The following PAPPA2 variants were observed in gnomAD, a reference collection of about 807,000 sequenced individuals.
PAPPA2 encodes the protein pappalysin-2.
In PAPPA2, 86 loss-of-function variants were observed where a neutral mutation model predicts 176.4. That is an observed-to-expected ratio of 0.49 (90% CI 0.41 to 0.58). The LOEUF (loss-of-function observed/expected upper bound fraction) is 0.58. PAPPA2 is among the 20% of genes least tolerant of loss of function. PAPPA2 has a pLI of 0.00. For missense variants in PAPPA2, 2,073 were observed against 2,256.9 expected (o/e 0.92, Z 1.65); for synonymous variants, 809 against 852.2 (o/e 0.95, Z 0.88).
chr1:176,572,901 A>G (rs1652432922), intron 2 of PAPPA2, among the ~76,000 whole-genome samples: 1 of 152,212 alleles, frequency 6.6e-6, no homozygotes, highest in Non-Finnish European at 1.5e-5. Flanking sequence ...CTATTTAAAT[A>G]CTTTCTAAGG....
chr1:176,518,744 T>A (rs938219885), intron 1 of PAPPA2, among the ~76,000 whole-genome samples: 2 of 152,186 alleles, frequency 1.3e-5, no homozygotes, highest in African/African-American at 4.8e-5. Context: ...AAATCATATC[T>A]TGGTCCCATC....
chr1:176,532,614 T>C (rs1649874873), intron 1 of PAPPA2, among the ~76,000 whole-genome samples: 1 of 152,184 alleles, frequency 6.6e-6, no homozygotes, highest in Non-Finnish European at 1.5e-5. Context: ...TCACCTTTAA[T>C]CACAACAAGG....
At chr1:176,536,170 T>G (rs1650057064) in intron 1 of PAPPA2, among the ~76,000 whole-genome samples, 1 of 152,230 alleles carries the variant, frequency 6.6e-6, no homozygotes, top group South Asian at 2.1e-4. Context: ...CACAAAGTTC[T>G]GAGGAAGCAG....
At chr1:176,781,497 C>G (rs2102925972) in intron 17 of PAPPA2, among the ~76,000 whole-genome samples, 1 of 146,292 alleles carries the variant, frequency 6.8e-6, no homozygotes, top group East Asian at 2.0e-4. Context: ...ATCAGGAGAC[C>G]TGGTATTAGA....
intron 21 of PAPPA2, among the ~76,000 whole-genome samples, chr1:176,822,970 C>T (rs1482680177): frequency 3.9e-5 from 6 of 152,194 alleles, no homozygotes; most frequent in Non-Finnish European, 8.8e-5. Flanking sequence ...TAATATTCTT[C>T]TTCAAAACTT....
At chr1:176,723,468 A>G (rs1397460036) in intron 12 of PAPPA2, among the ~76,000 whole-genome samples, 2 of 90,994 alleles carry the variant, frequency 2.2e-5, no homozygotes, top group Non-Finnish European at 4.5e-5. Flanking sequence ...TTTTAAAGAT[A>G]AGGTGGTTAG....
intron 21 of PAPPA2, among the ~76,000 whole-genome samples, chr1:176,828,118 G>T (rs376278497): frequency 6.6e-6 from 1 of 152,048 alleles, no homozygotes; most frequent in Admixed American, 6.5e-5. Flanking sequence ...CAGGGCACAG[G>T]CCTGAACACC....
intron 12 of PAPPA2, among the ~76,000 whole-genome samples, chr1:176,719,418 C>T (rs1474049907): frequency 1.3e-5 from 2 of 152,264 alleles, no homozygotes; most frequent in African/African-American, 4.8e-5. Flanking sequence ...CATTATATGA[C>T]TTACATTACA....
intron 1 of PAPPA2, among the ~76,000 whole-genome samples, chr1:176,481,088 T>C (rs1275304781): frequency 6.6e-6 from 1 of 152,040 alleles, no homozygotes; most frequent in Non-Finnish European, 1.5e-5. Context: ...TTTCTGAAAA[T>C]AAGTTTGAAC....
At chr1:176,603,661 T>C (rs1654451800) in intron 3 of PAPPA2, among the ~76,000 whole-genome samples, 1 of 152,204 alleles carries the variant, frequency 6.6e-6, no homozygotes, top group African/African-American at 2.4e-5. Context: ...TTCCTCCTTC[T>C]TGGAAGCATT....
intron 21 of PAPPA2, among the ~76,000 whole-genome samples, chr1:176,801,812 G>A (rs1665694963): frequency 6.6e-6 from 1 of 152,118 alleles, no homozygotes; most frequent in South Asian, 2.1e-4. Context: ...GTGTTTCCCA[G>A]AGGGTTATAA....
intron 1 of PAPPA2, among the ~76,000 whole-genome samples, chr1:176,532,216 G>T (rs145102531): frequency 3.9e-5 from 6 of 152,302 alleles, no homozygotes; most frequent in African/African-American, 1.4e-4. Context: ...TGAACTGCAA[G>T]AATTATGGGC....
chr1:176,495,673 A>G (rs1344127347), intron 1 of PAPPA2, among the ~76,000 whole-genome samples: 1 of 152,200 alleles, frequency 6.6e-6, no homozygotes, highest in African/African-American at 2.4e-5. Flanking sequence ...CTCAGTTAAA[A>G]TATAGGTATT....
At chr1:176,612,529 C>A (rs1005264962) in intron 3 of PAPPA2, among the ~76,000 whole-genome samples, 1 of 152,166 alleles carries the variant, frequency 6.6e-6, no homozygotes, top group African/African-American at 2.4e-5. Context: ...TAGTTCTGAG[C>A]TTCCCAGAAT....
intron 21 of PAPPA2, among the ~76,000 whole-genome samples, chr1:176,812,618 TAGAC>T (rs1045703099): frequency 7.2e-5 from 11 of 152,326 alleles, no homozygotes; most frequent in Admixed American, 2.6e-4. Context: ...AATAATCCAA[TAGAC>T]AGGCTCTTTC....
chr1:176,490,080 C>T (rs1272025385), intron 1 of PAPPA2, among the ~76,000 whole-genome samples: 2 of 151,736 alleles, frequency 1.3e-5, no homozygotes, highest in Non-Finnish European at 2.9e-5. Context: ...CTACTTGGGC[C>T]ATGTTACTTT....
chr1:176,826,369 G>C (rs1666864055), intron 21 of PAPPA2, among the ~76,000 whole-genome samples: 1 of 152,176 alleles, frequency 6.6e-6, no homozygotes, highest in Non-Finnish European at 1.5e-5. Flanking sequence ...TGAGAGCAGA[G>C]AACATGTTGT....
intron 12 of PAPPA2, among the ~76,000 whole-genome samples, chr1:176,727,537 TA>T: frequency 6.6e-6 from 1 of 152,044 alleles, no homozygotes; most frequent in Non-Finnish European, 1.5e-5. Flanking sequence ...TTGAAGCACT[TA>T]AGAACAGAGG....
In PAPPA2 at chr1:176,790,603, A is replaced by G. The variant is rs903534886; in HGVS notation, c.4884+626A>G. ...CAGTACTCCAAGGTAAGCACCATGG[A>G]ACAGATGTGAAAAGAATATGGCAGA... On this transcript the variant is annotated intron_variant, in intron 18 of 22. Coordinates refer to ENST00000367662, the MANE Select transcript of PAPPA2 (RefSeq NM_020318.3). Among the ~76,000 whole-genome samples, 5 of 152,312 alleles carry G rather than the reference A, an allele frequency of 3.3e-5. No individual in the cohort carries two copies. The South Asian group carries it at 8.3e-4, about 25-fold the overall frequency.
Sources: allele counts gnomAD v4.1 joint callset (sites outside exome capture counted in the v4.1 genomes callset), GRCh38; gene constraint gnomAD v4.1.1; transcripts MANE v1.5; gene names NCBI Gene and HGNC (gene_info 2026-07-23, HGNC 2026-07-21).